Variants in PARP14 observed in about 807,000 individuals in gnomAD.
The protein encoded by PARP14 is protein mono-ADP-ribosyltransferase PARP14.
In PARP14, 59 loss-of-function variants were observed where a neutral mutation model predicts 154.2. The ratio of observed to expected loss-of-function variants is 0.38; its 90% CI spans 0.31 to 0.48. The LOEUF is 0.48. Ranked by LOEUF, PARP14 falls within the 20% of genes least tolerant of loss-of-function variation. PARP14 has a pLI of 0.98. For missense variants in PARP14, 1,734 were observed against 2,131.6 expected (o/e 0.81, Z 3.67); for synonymous variants, 720 against 780.5 (o/e 0.92, Z 1.29).
intron 15 of PARP14, among the ~76,000 whole-genome samples, chr3:122,722,935 AT>A (rs67962718): frequency 0.2 from 28,346 of 145,116 alleles, 3,813 homozygotes; most frequent in East Asian, 0.53. Flanking sequence ...TGCATTTCAT[AT>A]TTTTTTTTTT....
intron 10 of PARP14, 123 bp from the exon 11 acceptor site, chr3:122,713,749 C>T (rs1939395037): frequency 2.3e-6 from 2 of 854,514 alleles, no homozygotes; most frequent in South Asian, 3.2e-5. Flanking sequence ...TCTTTGTCAT[C>T]AGCAATACCC....
chr3:122,710,990 T>G (rs1181094855), intron 9 of PARP14, among the ~76,000 whole-genome samples: 1 of 152,044 alleles, frequency 6.6e-6, no homozygotes, highest in Non-Finnish European at 1.5e-5. Flanking sequence ...GCTTTTTGGA[T>G]GAGTCGTTAG....
chr3:122,690,744 T>A (rs1938514500), intron 3 of PARP14, among the ~76,000 whole-genome samples: 1 of 152,208 alleles, frequency 6.6e-6, no homozygotes, highest in Admixed American at 6.5e-5. Context: ...ACTCCTGATG[T>A]CAAGTGATCC....
intron 11 of PARP14, 34 bp from the exon 12 acceptor site, chr3:122,714,228 A>G: frequency 1.3e-6 from 2 of 1,554,834 alleles, no homozygotes; most frequent in South Asian, 2.5e-5. Context: ...TTCAACTTCT[A>G]CTAATTTTGC....
Position 122,730,791 on chromosome 3 carries a change from T to C in PARP14, c.*2194T>C, listed in dbSNP as rs1326762568. 1.3e-5 allele frequency: 2 copies of C among 152,656 alleles called. No individual in the cohort carries two copies. The highest frequency in any genetic ancestry group is 2.9e-5 in the Non-Finnish European group (2 of 68,038). 9.5% of individuals were successfully genotyped at this position (152,656 alleles called of 1,614,324 possible). A position where few individuals can be genotyped will look rare whatever the true frequency, so the allele number is the denominator to read the frequency against. ...GTTATAGTTATCCTCAATCTAAATA[T>C]GTCAACTGTCATTTTGCTACTTTTC... On this transcript the variant is annotated 3_prime_UTR_variant, in exon 17 of 17. Coordinates refer to ENST00000474629, the MANE Select transcript of PARP14 (RefSeq NM_017554.3).
At chr3:122,688,742 C>T (rs536472583) in intron 3 of PARP14, among the ~76,000 whole-genome samples, 50 of 152,240 alleles carry the variant, frequency 3.3e-4, no homozygotes, top group Non-Finnish European at 4.4e-4. Flanking sequence ...GGAACGTACT[C>T]TCCGGACAAT....
Position 122,700,029 on chromosome 3 carries a change from C to A in PARP14, c.1475C>A (p.Thr492Lys). 6.2e-7 allele frequency: 1 copy of A among 1,613,920 alleles called. No individual in the cohort carries two copies. The highest frequency in any genetic ancestry group is 8.5e-7 in the Non-Finnish European group (1 of 1,179,822). The part of the protein sequence containing the change: ...CHSSLLDHLL[T>K]ECPEIEICYD... ...AGCAGTCTACTGGACCATTTACTCA[C>A]GGAGTGCCCAGAGATAGAGATTTGT... The change falls in exon 6 of 17, where the codon ACG (threonine) becomes AAG (lysine). Residue 492 changes from threonine (T) to lysine (K), a missense_variant. Coordinates refer to ENST00000474629, the MANE Select transcript of PARP14 (RefSeq NM_017554.3).
chr3:122,697,665 T>C (rs1938821867), intron 5 of PARP14, among the ~76,000 whole-genome samples: 1 of 152,260 alleles, frequency 6.6e-6, no homozygotes, highest in Admixed American at 6.5e-5. Flanking sequence ...TTAGGCATTT[T>C]ACTGTAAAAT....
At chr3:122,682,054 G>A (rs1311208872) in intron 1 of PARP14, among the ~76,000 whole-genome samples, 4 of 152,094 alleles carry the variant, frequency 2.6e-5, no homozygotes, top group Admixed American at 1.3e-4. Context: ...GATCCAAAAA[G>A]GAAAAATGAA....
intron 8 of PARP14, among the ~76,000 whole-genome samples, chr3:122,706,930 A>G (rs1166786758): frequency 3.3e-5 from 5 of 152,190 alleles, no homozygotes; most frequent in Admixed American, 2.0e-4. Context: ...CAAATAGGAA[A>G]TTAAAAACGG....
intron 5 of PARP14, 125 bp downstream of exon 5, chr3:122,695,787 A>G: frequency 1.7e-6 from 1 of 602,576 alleles, no homozygotes; most frequent in Non-Finnish European, 2.9e-6. Context: ...GAATTGAATA[A>G]ATAATCCTGT....
At position 122,713,557 on chromosome 3, in the gene PARP14, A is replaced by G; in HGVS notation, c.3753A>G (p.Ser1251=). ...ADVIVNSTSN[S]FNLKAGVSKA... is the part of the protein sequence containing the mutation. The stretch of plus-strand genomic sequence containing the variant: ...TGATTGTAAATTCAACATCAAACTC[A>G]TTCAATCTCAAAGCAGGTACTTGTA... The change falls in exon 10 of 17, where the codon TCA becomes TCG. Residue 1251 remains serine, a synonymous_variant. Transcript: ENST00000474629. 1.2e-6 allele frequency: 2 copies of G among 1,613,678 alleles called. No homozygotes were observed. The highest frequency in any genetic ancestry group is 4.5e-5 in the East Asian group (2 of 44,874).
At chr3:122,720,856 C>G (rs1933149438) in intron 15 of PARP14, 1 of 456,606 alleles carries the variant, frequency 2.2e-6, no homozygotes, top group Non-Finnish European at 4.4e-6. Flanking sequence ...GCCTGTAGTC[C>G]CAGCTATTGG....
intron 7 of PARP14, 32 bp from the exon 8 acceptor site, chr3:122,704,493 CAA>C: frequency 7.5e-7 from 1 of 1,331,590 alleles, no homozygotes. Context: ...CATTTCTAGA[CAA>C]GATGTATAAG....
intron 1 of PARP14, among the ~76,000 whole-genome samples, chr3:122,684,284 A>C (rs1293562464): frequency 1.3e-5 from 2 of 152,172 alleles, no homozygotes; most frequent in Non-Finnish European, 2.9e-5. Context: ...TCTTTGTACT[A>C]TCTGACTATG....
Position 122,700,667 on chromosome 3 carries a change from A to T in PARP14, c.2113A>T (p.Ser705Cys). Reference sequence around the variant, plus strand: ...GATAAAGAAGGTAAATGTGCAGGTAAGTTTCAATCCTGAGAACAAACAAAA... The same window carrying T: ...GATAAAGAAGGTAAATGTGCAGGTATGTTTCAATCCTGAGAACAAACAAAA... ...PKIKKVNVQV[S>C]FNPENKQKGI... The change falls in exon 6 of 17, where the codon AGT (serine) becomes TGT (cysteine). Residue 705 changes from serine (S) to cysteine (C), a missense_variant. Ser to Cys is a moderately radical substitution (Grantham distance 112). Transcript: ENST00000474629. The T allele has an allele frequency of 2.5e-6, 4 of 1,608,718 alleles. No individual in the cohort carries two copies. The highest frequency in any genetic ancestry group is 3.4e-6 in the Non-Finnish European group (4 of 1,177,278).
chr3:122,699,903 G>A lies in PARP14; in HGVS notation c.1349G>A (p.Arg450Lys), dbSNP rs11719086. ...GTCCAAAGCATTGAGGTACAAGTCA[G>A]GGAGTTAATAGAAAGCACTACTCAA... is the stretch of plus-strand genomic sequence containing the variant. Reference protein sequence around the residue: ...EDVQSIEVQVRELIESTTQKI... With the variant: ...EDVQSIEVQVKELIESTTQKI... The change falls in exon 6 of 17, where the codon AGG (arginine) becomes AAG (lysine). Residue 450 changes from arginine (R) to lysine (K), a missense_variant. Physicochemically the swap from Arg to Lys is conservative, Grantham distance 26. Around this residue, in one of 2 missense-constraint regions of PARP14, gnomAD observed 1,646 missense variants for 1,976.0 expected, o/e 0.83. Transcript: ENST00000474629. 0.21 allele frequency: 339,129 copies of A among 1,613,338 alleles called. 36,757 individuals are homozygous for A. The highest frequency in any genetic ancestry group is 0.22 in the Non-Finnish European group (264,637 of 1,179,398).
chr3:122,696,112 C>T (rs573454268), intron 5 of PARP14, among the ~76,000 whole-genome samples: 57 of 152,308 alleles, frequency 3.7e-4, no homozygotes, highest in African/African-American at 1.3e-3. Flanking sequence ...AGTGGTTTCA[C>T]ATGACCAGTG....
At chr3:122,696,542 G>T (rs1938784464) in intron 5 of PARP14, among the ~76,000 whole-genome samples, 1 of 152,168 alleles carries the variant, frequency 6.6e-6, no homozygotes, top group Non-Finnish European at 1.5e-5. Context: ...AGGAGCTTCT[G>T]TCACATATTC....
Sources: allele counts gnomAD v4.1 joint callset (sites outside exome capture counted in the v4.1 genomes callset), GRCh38; gene constraint gnomAD v4.1.1; regional missense constraint gnomAD v4.1.1; transcripts MANE v1.5; gene names NCBI Gene and HGNC (gene_info 2026-07-23, HGNC 2026-07-21).